Variants in RPP40 observed in about 807,000 individuals in gnomAD.
RPP40 encodes the protein ribonuclease P protein subunit p40.
RPP40 carries 30 observed loss-of-function variants against 42.5 expected under a neutral mutation model. The ratio of observed to expected loss-of-function variants is 0.71; its 90% CI spans 0.53 to 0.96. The LOEUF is 0.96. RPP40 is among the 40% of genes least tolerant of loss of function. The pLI, the probability that RPP40 is intolerant of heterozygous loss-of-function variation, is 0.00. For synonymous variants in RPP40, 173 were observed against 164.0 expected (o/e 1.05, Z -0.42); for missense variants, 426 against 433.5 (o/e 0.98, Z 0.15).
intron 1 of RPP40, 187 bp downstream of exon 1, chr6:5,003,693 C>T (rs1285948352): frequency 3.0e-6 from 2 of 675,058 alleles, no homozygotes; most frequent in African/African-American, 1.9e-5. Context: ...GAGTTGTAGT[C>T]CTGTAGCCCT....
chr6:4,991,091 C>T (rs1329223709), downstream of RPP40, among the ~76,000 whole-genome samples: 1 of 152,076 alleles, frequency 6.6e-6, no homozygotes, highest in African/African-American at 2.4e-5. Context: ...AAATTTCCCC[C>T]CCAAACTCCC....
intron 2 of RPP40, 198 bp downstream of exon 2, chr6:5,001,903 T>C (rs372677221): frequency 2.5e-5 from 13 of 522,260 alleles, no homozygotes; most frequent in East Asian, 1.5e-4. Context: ...TTGTGGCCAA[T>C]TGCAATCAGA....
chr6:4,992,902 C>T (rs1759280269), downstream of RPP40, among the ~76,000 whole-genome samples: 1 of 152,160 alleles, frequency 6.6e-6, no homozygotes, highest in Non-Finnish European at 1.5e-5. Context: ...TTAGGGTTTA[C>T]AGCACATATC....
In RPP40 at chr6:4,995,272, AGTGACTG is replaced by A. The variant is rs1299719683; in HGVS notation, c.894-3_897del. On this transcript the variant is annotated splice_acceptor_variant and splice_polypyrimidine_tract_variant and coding_sequence_variant and intron_variant, in exon 8 of 8. Coordinates refer to ENST00000380051, the MANE Select transcript of RPP40 (RefSeq NM_006638.4). LOFTEE classifies it high-confidence loss of function. ...GGAGCTAACTTCGGTTCATCAAAGTAGTGACTGAAAAAAAGGTAGTTGTTAAACAGAG... is the reference window on the plus strand; with the variant it reads ...GGAGCTAACTTCGGTTCATCAAAGTAAAAAAAAGGTAGTTGTTAAACAGAG... 1 of 1,608,162 alleles carries A rather than the reference AGTGACTG, an allele frequency of 6.2e-7. No individual in the cohort carries two copies. The highest frequency in any genetic ancestry group is 1.3e-5 in the African/African-American group (1 of 74,768).
At chr6:5,000,690 A>C (rs1230829038) in intron 2 of RPP40, 59 bp from the exon 3 acceptor site, 2 of 1,045,458 alleles carry the variant, frequency 1.9e-6, no homozygotes, top group Non-Finnish European at 3.0e-6. Context: ...GCAAGATGTT[A>C]GTGGATTATT....
rs1007527515 is a variant in RPP40, at chr6:4,996,420, C to T, written c.560G>A (p.Gly187Asp). 18 of 1,612,318 alleles carry T rather than the reference C, an allele frequency of 1.1e-5. No homozygotes were observed. The highest frequency in any genetic ancestry group is 1.4e-5 in the Non-Finnish European group (17 of 1,180,026). Residue 187 changes from glycine (G) to aspartate (D), a missense_variant and splice_region_variant, in exon 6 of 8, where the codon GGT becomes GAT. Physicochemically the swap from Gly to Asp is moderately conservative, Grantham distance 94 (BLOSUM62 -1). Coordinates refer to ENST00000380051, the MANE Select transcript of RPP40 (RefSeq NM_006638.4). ...TGACATCATTGTCGATTCTTCTGAACCTTAAAAACACACCACACAAGGCCA... is the reference window on the plus strand; with the variant it reads ...TGACATCATTGTCGATTCTTCTGAATCTTAAAAACACACCACACAAGGCCA... ...FDFLLAWHKT[G>D]SEESTMMSYF...
chr6:4,999,124 T>C (rs1237051235), intron 4 of RPP40, among the ~76,000 whole-genome samples: 1 of 143,232 alleles, frequency 7.0e-6, no homozygotes, highest in African/African-American at 2.5e-5. Flanking sequence ...AATCTACTTA[T>C]GGATGTGGCG....
In RPP40 at chr6:4,995,106, A is replaced by G. The variant is rs1759328829; in HGVS notation, c.1064T>C (p.Val355Ala). Residue 355 changes from valine to alanine, a missense_variant, in exon 8 of 8, where the codon GTT becomes GCT. Val to Ala is a moderately conservative substitution (Grantham distance 64, BLOSUM62 0). Transcript: ENST00000380051. ...TGGTGGACAGTGATCATTTGCCCCAACAGCCATCTGAAGCCAATAGTCCTG... is the reference window on the plus strand; with the variant it reads ...TGGTGGACAGTGATCATTTGCCCCAGCAGCCATCTGAAGCCAATAGTCCTG... ...NNQDYWLQMA[V>A]GANDHCPP 1 of 1,613,812 alleles carries G rather than the reference A, an allele frequency of 6.2e-7. No individual in the cohort carries two copies.
rs555641979 is a variant in RPP40, at chr6:5,000,907, C to G, written c.269-276G>C. On this transcript the variant is annotated intron_variant, in intron 2 of 7. Transcript: ENST00000380051. ...GCAGAAGACCAAGCATGCAGAAGAC[C>G]AAGCATGCAGAAGACCAAGCATGCA... Among the ~76,000 whole-genome samples the G allele has an allele frequency of 1.1e-3, 170 of 151,230 alleles. 2 individuals carry two copies. The highest frequency in any genetic ancestry group is 1.9e-3 in the Non-Finnish European group (131 of 67,802).
At chr6:4,996,174 A>T in intron 6 of RPP40, 48 bp downstream of exon 6, 1 of 1,605,978 alleles carries the variant, frequency 6.2e-7, no homozygotes, top group Non-Finnish European at 8.5e-7. Context: ...TATTAAAAAC[A>T]AGCAGCAGGC....
At chr6:4,997,931 T>G (rs976495200) in intron 5 of RPP40, among the ~76,000 whole-genome samples, 3 of 152,214 alleles carry the variant, frequency 2.0e-5, no homozygotes, top group Admixed American at 1.3e-4. Flanking sequence ...ATGATCTGCA[T>G]AGAAGACTTC....
chr6:5,002,249 T>C lies in RPP40; in HGVS notation c.124-4A>G, dbSNP rs756942518. 8.7e-6 allele frequency: 14 copies of C among 1,609,488 alleles called. No individual in the cohort carries two copies. Among genetic ancestry groups the C allele is most frequent in the East Asian group, 2.2e-5 (1 of 44,844 alleles). Reference sequence around the variant, plus strand: ...ATTCAGGAATGAGAAATGAAACCTATTGGAATGTGTAATACAAACAAGGTC... The same window carrying C: ...ATTCAGGAATGAGAAATGAAACCTACTGGAATGTGTAATACAAACAAGGTC... On this transcript the variant is annotated splice_region_variant and splice_polypyrimidine_tract_variant and intron_variant, in intron 1 of 7. Coordinates refer to ENST00000380051, the MANE Select transcript of RPP40 (RefSeq NM_006638.4).
chr6:4,988,894 G>A, the RPP40 span, among the ~76,000 whole-genome samples: 45,355 of 151,980 alleles, frequency 0.3, 7,338 homozygotes, highest in African/African-American at 0.43. Context: ...TAAACTGGGA[G>A]GTATTTTTCT....
chr6:4,998,882 C>A lies in RPP40; in HGVS notation c.434-41G>T, dbSNP rs117147172. The A allele has an allele frequency of 3.5e-5, 43 of 1,227,064 alleles. No homozygotes were observed. The East Asian group carries it at 1.1e-3, about 31-fold the overall frequency. The allele number at this position is 1,227,064 out of a possible 1,614,324, so 76.0% of individuals were successfully genotyped here. ...AAAGAACATATATTTCATTCATATA[C>A]GTACAGCTTCTACCATGGAAAAAGT... On this transcript the variant is annotated intron_variant, in intron 4 of 7. Transcript: ENST00000380051.
chr6:5,004,018 T>A lies in RPP40; in HGVS notation c.-16A>T. ...GCGTGGCCATGCTCTCCTGGGTTCCTGGTCCTCCCGGCCTCCGCTGGCGGG... is the reference window on the plus strand; with the variant it reads ...GCGTGGCCATGCTCTCCTGGGTTCCAGGTCCTCCCGGCCTCCGCTGGCGGG... On this transcript the variant is annotated 5_prime_UTR_variant, in exon 1 of 8. Transcript: ENST00000380051. The A allele has an allele frequency of 6.3e-7, 1 of 1,587,058 alleles. No individual in the cohort carries two copies. Among genetic ancestry groups the A allele is most frequent in the Non-Finnish European group, 8.6e-7 (1 of 1,165,518 alleles).
chr6:4,990,361 T>C (rs1759244330), downstream of RPP40, among the ~76,000 whole-genome samples: 1 of 152,204 alleles, frequency 6.6e-6, no homozygotes, highest in Non-Finnish European at 1.5e-5. Context: ...TCATGAGAAA[T>C]GTTGATCTGT....
At position 5,000,612 on chromosome 6, in the gene RPP40, T is replaced by C; in HGVS notation, c.288A>G (p.Thr96=). 4 of 1,593,072 alleles carry C rather than the reference T, an allele frequency of 2.5e-6. No individual in the cohort carries two copies. The highest frequency in any genetic ancestry group is 2.2e-5 in the South Asian group (2 of 90,396). ...TATCTTCATCAATATGTGTATTGTA[T>C]GTTAGTGCATAGCAAGAACCTGGAA... ...FIKKGSCYAL[T]YNTHIDEDNT... Residue 96 remains threonine, a synonymous_variant, in exon 3 of 8, where the codon ACA becomes ACG. Coordinates refer to ENST00000380051, the MANE Select transcript of RPP40 (RefSeq NM_006638.4).
Position 4,999,860 on chromosome 6 carries a change from C to T in RPP40, c.382G>A (p.Gly128Arg). The stretch of plus-strand genomic sequence containing the variant: ...AACTGAGATGGATGACCCTGAAGTC[C>T]AGTTTCTTCATAAGTGTCTTTATCC... ...SLDKDTYEET[G>R]LQGHPSQFSG... Residue 128 changes from glycine to arginine, a missense_variant, in exon 4 of 8, where the codon GGA (glycine) becomes AGA (arginine). Transcript: ENST00000380051. 1 of 1,609,828 alleles carries T rather than the reference C, an allele frequency of 6.2e-7. No individual in the cohort carries two copies. The highest frequency in any genetic ancestry group is 8.5e-7 in the Non-Finnish European group (1 of 1,176,554).
intron 3 of RPP40, 105 bp downstream of exon 3, chr6:5,000,458 G>A (rs1460492964): frequency 1.4e-6 from 1 of 716,172 alleles, no homozygotes; most frequent in East Asian, 2.9e-5. Context: ...AAAGTGCAGG[G>A]ATTACAGGCG....
Sources: allele counts gnomAD v4.1 joint callset (sites outside exome capture counted in the v4.1 genomes callset), GRCh38; gene constraint gnomAD v4.1.1; transcripts MANE v1.5; gene names NCBI Gene and HGNC (gene_info 2026-07-23, HGNC 2026-07-21).